Variants in CACNA2D3 observed in about 807,000 individuals in gnomAD.
CACNA2D3 encodes the protein calcium voltage-gated channel auxiliary subunit alpha2delta 3.
Under a neutral mutation model 160.6 loss-of-function variants are expected in CACNA2D3, and 60 were observed. The observed-to-expected ratio is 0.37, with a 90% confidence interval of 0.30 to 0.46. The LOEUF (loss-of-function observed/expected upper bound fraction) is 0.46, where lower values mean the gene tolerates loss of function less well. Ranked by LOEUF, CACNA2D3 falls within the 20% of genes least tolerant of loss-of-function variation. The pLI is 1.00. For missense variants in CACNA2D3, 1,205 were observed against 1,365.0 expected (o/e 0.88, Z 1.85); for synonymous variants, 558 against 492.9 (o/e 1.13, Z -1.75).
At chr3:54,981,895 A>G (rs972222885) in intron 29 of CACNA2D3, among the ~76,000 whole-genome samples, 7 of 152,202 alleles carry the variant, frequency 4.6e-5, no homozygotes, top group African/African-American at 1.7e-4. Flanking sequence ...GCCCTGGGTA[A>G]CAGAAAAGAT....
Position 54,405,329 on chromosome 3 carries a change from G to A in CACNA2D3, c.381+18555G>A, listed in dbSNP as rs567370744. ...ACATTTCCTGTTAAAATTATATTAC[G>A]AAGCATAACAATCAAAACAACATGT... On this transcript the variant is annotated intron_variant, in intron 4 of 37. Transcript: ENST00000474759. Among the ~76,000 whole-genome samples, 24 of 143,560 alleles carry A rather than the reference G, an allele frequency of 1.7e-4. No homozygotes were observed. The South Asian group carries it at 1.7e-3, about 10-fold the overall frequency. 94.2% of individuals were successfully genotyped at this position (143,560 alleles called of 152,430 possible).
intron 2 of CACNA2D3, among the ~76,000 whole-genome samples, chr3:54,277,976 G>A (rs1397584421): frequency 2.0e-5 from 3 of 152,124 alleles, no homozygotes; most frequent in Non-Finnish European, 4.4e-5. Flanking sequence ...GGCAACAAAA[G>A]CCAAAATGGA....
intron 2 of CACNA2D3, among the ~76,000 whole-genome samples, chr3:54,221,431 T>C (rs1437080753): frequency 6.6e-6 from 1 of 152,262 alleles, no homozygotes; most frequent in Non-Finnish European, 1.5e-5. Flanking sequence ...CTAGGTACTG[T>C]CATAATTTTG....
At chr3:54,613,139 G>GTACA (rs1179878216) in intron 9 of CACNA2D3, among the ~76,000 whole-genome samples, 1 of 152,172 alleles carries the variant, frequency 6.6e-6, no homozygotes, top group Non-Finnish European at 1.5e-5. Flanking sequence ...CTCTTACAGT[G>GTACA]TACATTATGT....
At chr3:54,905,253 C>T (rs1442991634) in intron 27 of CACNA2D3, among the ~76,000 whole-genome samples, 1 of 152,128 alleles carries the variant, frequency 6.6e-6, no homozygotes, top group Non-Finnish European at 1.5e-5. Context: ...TTGCATAACT[C>T]AGGGCAGTGT....
chr3:54,666,526 T>C (rs1157721768), intron 11 of CACNA2D3, among the ~76,000 whole-genome samples: 1 of 152,180 alleles, frequency 6.6e-6, no homozygotes, highest in African/African-American at 2.4e-5. Context: ...ATGCTCTGTG[T>C]GCAGAGATCT....
At chr3:54,240,294 GT>G (rs960007609) in intron 2 of CACNA2D3, among the ~76,000 whole-genome samples, 9 of 152,084 alleles carry the variant, frequency 5.9e-5, no homozygotes, top group African/African-American at 1.7e-4. Context: ...CCATTCGTTG[GT>G]TTTTGGAGGT....
chr3:54,878,002 A>T (rs1699703299), intron 18 of CACNA2D3, among the ~76,000 whole-genome samples: 1 of 152,250 alleles, frequency 6.6e-6, no homozygotes, highest in Non-Finnish European at 1.5e-5. Context: ...AAAAATATCT[A>T]GAGTAAAATA....
At chr3:54,877,448 C>T (rs765345956) in intron 18 of CACNA2D3, among the ~76,000 whole-genome samples, 5 of 152,082 alleles carry the variant, frequency 3.3e-5, no homozygotes, top group African/African-American at 4.8e-5. Flanking sequence ...AATATTGACT[C>T]GTCAGTCTTC....
intron 27 of CACNA2D3, among the ~76,000 whole-genome samples, chr3:54,955,218 T>C (rs922465661): frequency 2.6e-5 from 4 of 152,138 alleles, no homozygotes; most frequent in Non-Finnish European, 4.4e-5. Flanking sequence ...GGACCCACCC[T>C]GGAGGAGACG....
At chr3:54,357,918 C>T (rs1016799756) in intron 3 of CACNA2D3, among the ~76,000 whole-genome samples, 8 of 152,098 alleles carry the variant, frequency 5.3e-5, no homozygotes, top group African/African-American at 1.4e-4. Context: ...AGGGGAGAAG[C>T]AGAGACGAAT....
At chr3:54,561,209 C>T (rs760188681) in intron 5 of CACNA2D3, among the ~76,000 whole-genome samples, 6 of 152,190 alleles carry the variant, frequency 3.9e-5, no homozygotes, top group Admixed American at 2.0e-4. Flanking sequence ...TATCCATGAG[C>T]ATGGGATGTC....
intron 13 of CACNA2D3, among the ~76,000 whole-genome samples, chr3:54,809,858 C>T (rs2106696530): frequency 6.6e-6 from 1 of 152,064 alleles, no homozygotes; most frequent in Admixed American, 6.6e-5. Flanking sequence ...GGTATAGTCC[C>T]TAGGAATACA....
At chr3:54,987,429 C>T (rs764194471) in intron 30 of CACNA2D3, among the ~76,000 whole-genome samples, 14 of 152,144 alleles carry the variant, frequency 9.2e-5, no homozygotes, top group South Asian at 2.1e-4. Context: ...TGTGTGCATG[C>T]GTGTTTTAAT....
rs1215376036 is a variant in CACNA2D3 at position 54,736,140 on chromosome 3, T to TAC, written c.1168-16435_1168-16434dup. On this transcript the variant is annotated intron_variant, in intron 11 of 37. Transcript: ENST00000474759. ...ATATACATATATATATGTATATATA[T>TAC]ACACACACACACACACACACACACA... is the stretch of plus-strand genomic sequence containing the variant. Among the ~76,000 whole-genome samples, 64 of 80,630 alleles carry TAC rather than the reference T, an allele frequency of 7.9e-4. 3 individuals are homozygous for TAC. The highest frequency in any genetic ancestry group is 3.0e-3 in the African/African-American group (63 of 20,936). The allele number at this position is 80,630 out of a possible 152,430, so 52.9% of individuals were successfully genotyped here. A position where few individuals can be genotyped will look rare whatever the true frequency, so the allele number is the denominator to read the frequency against.
chr3:54,860,007 C>CACACACAA (rs1699256415), intron 17 of CACNA2D3, among the ~76,000 whole-genome samples: 1 of 151,686 alleles, frequency 6.6e-6, no homozygotes, highest in Non-Finnish European at 1.5e-5. Flanking sequence ...CACACACACA[C>CACACACAA]ACACACAAAC....
At chr3:55,044,624 G>C (rs906257458) in intron 35 of CACNA2D3, among the ~76,000 whole-genome samples, 1 of 149,982 alleles carries the variant, frequency 6.7e-6, no homozygotes, top group Non-Finnish European at 1.5e-5. Flanking sequence ...CTCTCTTATT[G>C]CACTGACTGG....
chr3:54,951,180 A>G (rs762421596), intron 27 of CACNA2D3, among the ~76,000 whole-genome samples: 1 of 152,206 alleles, frequency 6.6e-6, no homozygotes, highest in African/African-American at 2.4e-5. Context: ...TAACTACAAG[A>G]TAATACAGAA....
chr3:54,913,762 T>A (rs1281179727), intron 27 of CACNA2D3, among the ~76,000 whole-genome samples: 2 of 152,114 alleles, frequency 1.3e-5, no homozygotes, highest in Non-Finnish European at 2.9e-5. Flanking sequence ...TGCCTGGGTG[T>A]TGGCCTTGGG....
Sources: allele counts gnomAD v4.1 joint callset (sites outside exome capture counted in the v4.1 genomes callset), GRCh38; gene constraint gnomAD v4.1.1; transcripts MANE v1.5; gene names NCBI Gene and HGNC (gene_info 2026-07-23, HGNC 2026-07-21).